ADCY1: variants seen among roughly 807,000 people sequenced by gnomAD.
ADCY1 encodes the protein adenylate cyclase 1.
Under a neutral mutation model 105.4 loss-of-function variants are expected in ADCY1, and 28 were observed. The ratio of observed to expected loss-of-function variants is 0.27; its 90% CI spans 0.20 to 0.36. The LOEUF is 0.36. Among genes scored for constraint, ADCY1 ranks in the 10% least tolerant of loss-of-function variants. The pLI is 1.00. For synonymous variants in ADCY1, 655 were observed against 623.8 expected (o/e 1.05, Z -0.75); for missense variants, 977 against 1,434.2 (o/e 0.68, Z 5.15).
intron 8 of ADCY1, among the ~76,000 whole-genome samples, chr7:45,669,832 T>G (rs1784331036): frequency 6.6e-6 from 1 of 152,228 alleles, no homozygotes; most frequent in African/African-American, 2.4e-5. Flanking sequence ...TCTGTTGCAT[T>G]TTTTTGATCT....
Position 45,708,200 on chromosome 7 carries a change from A to G in ADCY1, c.2818-150A>G. The G allele has an allele frequency of 3.3e-6, 2 of 603,410 alleles. No individual in the cohort carries two copies. Among genetic ancestry groups the G allele is most frequent in the Non-Finnish European group, 6.0e-6 (2 of 332,298 alleles). The allele number at this position is 603,410 out of a possible 1,614,324, so 37.4% of individuals were successfully genotyped here. A position where few individuals can be genotyped will look rare whatever the true frequency, so the allele number is the denominator to read the frequency against. On this transcript the variant is annotated intron_variant, in intron 17 of 19. Transcript: ENST00000297323. The surrounding 1 kb of genome is among the most constrained non-coding windows in gnomAD (Gnocchi z 4.7). ...TACCCTGCCTCTCTCTTAGTCTCCT[A>G]CCTGTAGAATGGAATGATAAATGTG... is the stretch of plus-strand genomic sequence containing the variant.
At chr7:45,646,445 G>A (rs988111427) in intron 4 of ADCY1, among the ~76,000 whole-genome samples, 1 of 152,218 alleles carries the variant, frequency 6.6e-6, no homozygotes, top group Non-Finnish European at 1.5e-5. Context: ...ACAGGACACG[G>A]TCCTTTCTGT....
intron 4 of ADCY1, among the ~76,000 whole-genome samples, chr7:45,626,315 C>T (rs75403361): frequency 0.013 from 1,923 of 152,342 alleles, 24 homozygotes; most frequent in South Asian, 0.059. Flanking sequence ...CGTTTAAAGA[C>T]ATCCATACGC....
chr7:45,709,360 T>A (rs1215327169), intron 18 of ADCY1, among the ~76,000 whole-genome samples: 1 of 152,230 alleles, frequency 6.6e-6, no homozygotes, highest in Non-Finnish European at 1.5e-5. Flanking sequence ...AGCCCAGCCC[T>A]GTGTCTCAGT....
At chr7:45,672,765 A>G (rs1341443363) in intron 8 of ADCY1, among the ~76,000 whole-genome samples, 1 of 151,742 alleles carries the variant, frequency 6.6e-6, no homozygotes. Flanking sequence ...ACTAGAGACA[A>G]TTTTCTTTCT....
rs1002799948 is a variant in ADCY1, at chr7:45,686,747, G to A, written c.2454+74G>A. 5.9e-6 allele frequency: 9 copies of A among 1,524,314 alleles called. No individual in the cohort carries two copies. Among genetic ancestry groups the A allele is most frequent in the African/African-American group, 1.4e-5 (1 of 73,044 alleles). The allele number at this position is 1,524,314 out of a possible 1,614,324, so 94.4% of individuals were successfully genotyped here. On this transcript the variant is annotated intron_variant, in intron 14 of 19. Coordinates refer to ENST00000297323, the MANE Select transcript of ADCY1 (RefSeq NM_021116.4). This position sits in a 1 kb window ranked among gnomAD's most constrained non-coding sequence, Gnocchi z 4.3. ...AAGAAGTCTTCAGCAAGCATCTGAC[G>A]GGGGCTGCCACAGACACCCACACGC... is the stretch of plus-strand genomic sequence containing the variant.
chr7:45,677,320 G>A (rs1784474306), intron 8 of ADCY1, among the ~76,000 whole-genome samples: 1 of 152,130 alleles, frequency 6.6e-6, no homozygotes, highest in South Asian at 2.1e-4. Context: ...CATGGCAAGT[G>A]GTTTTAAATT....
chr7:45,611,637 G>GC (rs1787772479), intron 3 of ADCY1, among the ~76,000 whole-genome samples: 1 of 140,820 alleles, frequency 7.1e-6, no homozygotes, highest in East Asian at 2.0e-4. Context: ...AGGTTTGCTT[G>GC]TTTTTTTTTT....
At chr7:45,702,963 G>A (rs954262185) in intron 14 of ADCY1, among the ~76,000 whole-genome samples, 1 of 152,226 alleles carries the variant, frequency 6.6e-6, no homozygotes, top group Non-Finnish European at 1.5e-5. Context: ...GAAGGTGTCT[G>A]CCCCACCTGG....
Position 45,679,877 on chromosome 7 carries a change from C to T in ADCY1, c.1983+84C>T. On this transcript the variant is annotated intron_variant, in intron 11 of 19. Transcript: ENST00000297323. The stretch of plus-strand genomic sequence containing the variant: ...CCTGTATCCTGCACCTGCATATCAC[C>T]TGGTCCAGGTATGAGGGTGGCCTGT... The T allele has an allele frequency of 4.0e-6, 6 of 1,491,990 alleles. No individual in the cohort carries two copies. The East Asian group carries it at 1.4e-4, about 34-fold the overall frequency. 92.4% of individuals were successfully genotyped at this position (1,491,990 alleles called of 1,614,324 possible).
chr7:45,648,303 G>A (rs1317974649), intron 4 of ADCY1, among the ~76,000 whole-genome samples: 3 of 152,222 alleles, frequency 2.0e-5, no homozygotes, highest in Non-Finnish European at 1.5e-5. Context: ...GGTTAAGGGA[G>A]GTGCCGTGGG....
At position 45,691,750 on chromosome 7, in the gene ADCY1, A is replaced by C. The variant is rs140628216; in HGVS notation, c.2454+5077A>C. 2.2e-3 allele frequency among the ~76,000 whole-genome samples: 334 copies of C among 152,368 alleles called. 2 individuals carry two copies. Among genetic ancestry groups the C allele is most frequent in the Non-Finnish European group, 3.7e-3 (249 of 68,044 alleles). On this transcript the variant is annotated intron_variant, in intron 14 of 19. Coordinates refer to ENST00000297323, the MANE Select transcript of ADCY1 (RefSeq NM_021116.4). The stretch of plus-strand genomic sequence containing the variant: ...AATTCGATGGTAATTCCCATTTTGC[A>C]GTTGCCATTATTAACATTTAGAGGG...
chr7:45,656,059 A>G (rs934649662), intron 5 of ADCY1, among the ~76,000 whole-genome samples: 11 of 152,104 alleles, frequency 7.2e-5, no homozygotes, highest in African/African-American at 1.2e-4. Context: ...AGGCCAAGGC[A>G]GGCAGATCAC....
chr7:45,684,756 T>G (rs1278618918), intron 11 of ADCY1: 8 of 435,160 alleles, frequency 1.8e-5, no homozygotes, highest in Middle Eastern at 6.0e-4. Context: ...TTATTCTTTG[T>G]AATTTAAAGA....
rs145123825 is a variant in ADCY1 at position 45,619,810 on chromosome 7, C to T, written c.909-2822C>T. On this transcript the variant is annotated intron_variant, in intron 3 of 19. Transcript: ENST00000297323. ...GAATAAGTTCTGGAGATCTAACATG[C>T]GGCATGGTCACAATATTTAACCATA... is the stretch of plus-strand genomic sequence containing the variant. Among the ~76,000 whole-genome samples the T allele has an allele frequency of 5.9e-5, 9 of 152,268 alleles. 1 individual carries two copies. Among genetic ancestry groups the T allele is most frequent in the African/African-American group, 1.7e-4 (7 of 41,554 alleles).
At chr7:45,587,112 G>A (rs1792753877) in intron 1 of ADCY1, among the ~76,000 whole-genome samples, 1 of 152,224 alleles carries the variant, frequency 6.6e-6, no homozygotes, top group Admixed American at 6.5e-5. Context: ...TACCCAATAG[G>A]AGTGATCCTG....
intron 2 of ADCY1, among the ~76,000 whole-genome samples, chr7:45,596,011 A>G (rs1793061241): frequency 6.6e-6 from 1 of 152,220 alleles, no homozygotes; most frequent in Non-Finnish European, 1.5e-5. Flanking sequence ...CTTGGGGCCC[A>G]GTAGGGCCCT....
chr7:45,713,355 G>C (rs796607584), intron 19 of ADCY1, among the ~76,000 whole-genome samples: 10 of 152,314 alleles, frequency 6.6e-5, no homozygotes, highest in African/African-American at 2.4e-4. Flanking sequence ...TGCCTGTCTG[G>C]GTGCTTCCTG....
intron 4 of ADCY1, among the ~76,000 whole-genome samples, chr7:45,639,751 G>A (rs1584293877): frequency 6.6e-6 from 1 of 152,348 alleles, no homozygotes; most frequent in Non-Finnish European, 1.5e-5. Context: ...GGTACAGGCG[G>A]GTCCCTGATG....
Sources: allele counts gnomAD v4.1 joint callset (sites outside exome capture counted in the v4.1 genomes callset), GRCh38; gene constraint gnomAD v4.1.1; non-coding constraint Gnocchi (gnomAD v3.1); transcripts MANE v1.5; gene names NCBI Gene and HGNC (gene_info 2026-07-23, HGNC 2026-07-21).